Variants in ZNF28 observed in about 807,000 individuals in gnomAD.
ZNF28 encodes zinc finger protein 28.
A neutral mutation model predicts 7.2 loss-of-function variants in ZNF28; 5 were observed. The ratio of observed to expected loss-of-function variants is 0.70; its 90% CI spans 0.36 to 1.46. The LOEUF is 1.46. Among genes scored for constraint, ZNF28 ranks in the 40% most tolerant of loss-of-function variants. ZNF28 has a pLI of 0.03. For synonymous variants in ZNF28, 288 were observed against 292.4 expected, an observed-to-expected ratio of 0.99 and a Z score of 0.15; for missense variants, 879 against 866.6, an observed-to-expected ratio of 1.01 and a Z score of -0.18.
At chr19:52,818,795 A>C (rs2147692378) in intron 1 of ZNF28, among the ~76,000 whole-genome samples, 1 of 148,950 alleles carries the variant, frequency 6.7e-6, no homozygotes, top group Middle Eastern at 3.4e-3. Flanking sequence ...AGGCACAAGA[A>C]TCACTTGAAC....
At chr19:52,812,762 TAAAAAAAAAAAAAA>T (rs56944474) in intron 2 of ZNF28, among the ~76,000 whole-genome samples, 1 of 75,400 alleles carries the variant, frequency 1.3e-5, no homozygotes, top group Non-Finnish European at 2.8e-5. Context: ...GAATGATCAA[TAAAAAAAAAAAAAA>T]AAAAAAAAAA....
At chr19:52,805,742 G>A (rs1228210442) in intron 3 of ZNF28, 1 of 152,032 alleles carries the variant, frequency 6.6e-6, no homozygotes, top group Admixed American at 6.6e-5. Context: ...CAACACTTTG[G>A]GAGGATGAGC....
intron 1 of ZNF28, among the ~76,000 whole-genome samples, 197 bp from the exon 2 acceptor site, chr19:52,818,228 G>T (rs1326482070): frequency 6.6e-6 from 1 of 152,070 alleles, no homozygotes; most frequent in Non-Finnish European, 1.5e-5. Flanking sequence ...TGCAGCAGTG[G>T]GGAGCTGGGC....
chr19:52,813,001 A>C, intron 2 of ZNF28, among the ~76,000 whole-genome samples: 1 of 151,632 alleles, frequency 6.6e-6, no homozygotes, highest in South Asian at 2.1e-4. Flanking sequence ...AAGTTAAACT[A>C]AACTATCACC....
intron 2 of ZNF28, chr19:52,810,742 G>C: frequency 1.6e-6 from 1 of 622,834 alleles, no homozygotes; most frequent in Non-Finnish European, 2.8e-6. Flanking sequence ...AGGAAAAAAA[G>C]AGGAAAGAAG....
chr19:52,812,787 A>AAAAG (rs1462866089), intron 2 of ZNF28, among the ~76,000 whole-genome samples: 7 of 131,076 alleles, frequency 5.3e-5, no homozygotes, highest in African/African-American at 1.9e-4. Context: ...AAAAAAAAAA[A>AAAAG]GTTTTAAGTG....
chr19:52,810,769 A>C (rs112092200), intron 2 of ZNF28: 66 of 516,300 alleles, frequency 1.3e-4, no homozygotes, highest in African/African-American at 4.0e-4. Flanking sequence ...AAAAAAGAAT[A>C]AAAAAAAACC....
chr19:52,807,829 A>T (rs1026678733), intron 3 of ZNF28, 178 bp downstream of exon 3: 3 of 1,076,156 alleles, frequency 2.8e-6, no homozygotes, highest in African/African-American at 1.6e-5. Context: ...AGCTATCATG[A>T]AGAATGCAGA....
Position 52,817,975 on chromosome 19 carries a change from T to C in ZNF28, c.-17A>G, listed in dbSNP as rs771839751. The C allele has an allele frequency of 3.7e-6, 6 of 1,610,616 alleles. No individual in the cohort carries two copies. Among genetic ancestry groups the C allele is most frequent in the East Asian group, 4.5e-5 (2 of 44,852 alleles). ...AAGAGCCATCCCTGACTCCTTTGCTTTCCTCTTCCTCTTCTGGGTTTCTTC... is the reference window on the plus strand; with the variant it reads ...AAGAGCCATCCCTGACTCCTTTGCTCTCCTCTTCCTCTTCTGGGTTTCTTC... On this transcript the variant is annotated 5_prime_UTR_variant, in exon 2 of 4. Coordinates refer to ENST00000457749, the MANE Select transcript of ZNF28 (RefSeq NM_006969.5).
intron 1 of ZNF28, among the ~76,000 whole-genome samples, chr19:52,820,956 A>G (rs2063189539): frequency 6.6e-6 from 1 of 151,874 alleles, no homozygotes; most frequent in Non-Finnish European, 1.5e-5. Context: ...GAGGGTTTGG[A>G]GTAAGACACC....
At chr19:52,810,495 T>A (rs1181481508) in intron 2 of ZNF28, 8 of 1,585,126 alleles carry the variant, frequency 5.0e-6, no homozygotes, top group Non-Finnish European at 6.9e-6. Context: ...GATGAGTCCC[T>A]ATTTAGAGGA....
intron 2 of ZNF28, among the ~76,000 whole-genome samples, chr19:52,817,743 G>A (rs757643313): frequency 2.0e-5 from 3 of 152,132 alleles, no homozygotes; most frequent in Non-Finnish European, 4.4e-5. Context: ...ACCATGCCCA[G>A]TGCAGCCTCT....
chr19:52,810,543 C>G lies in ZNF28; in HGVS notation c.16-2410G>C, dbSNP rs796869718. 8.1e-6 allele frequency: 13 copies of G among 1,596,150 alleles called. No individual in the cohort carries two copies. The African/African-American group carries it at 1.2e-4, about 15-fold the overall frequency. On this transcript the variant is annotated intron_variant, in intron 2 of 3. Transcript: ENST00000457749. ...GTGATCCCAAAGCGAACCAACAGAC[C>G]AGGCATCAGCACAACAGACCGGGGT...
Position 52,798,398 on chromosome 19 carries a change from A to G in ZNF28, c.*1290T>C. 1 of 383,996 alleles carries G rather than the reference A, an allele frequency of 2.6e-6. No homozygotes were observed. Among genetic ancestry groups the G allele is most frequent in the Non-Finnish European group, 5.1e-6 (1 of 194,622 alleles). 23.8% of individuals were successfully genotyped at this position (383,996 alleles called of 1,614,324 possible). On this transcript the variant is annotated 3_prime_UTR_variant, in exon 4 of 4. Coordinates refer to ENST00000457749, the MANE Select transcript of ZNF28 (RefSeq NM_006969.5). ...CAGTGCTCATTTAACTGTAATGTCA[A>G]TTAATGCTTGATGGCTTGCTATACT...
Position 52,808,093 on chromosome 19 carries a change from T to G in ZNF28, c.56A>C (p.Gln19Pro), listed in dbSNP as rs761836384. 1 of 1,613,468 alleles carries G rather than the reference T, an allele frequency of 6.2e-7. No individual in the cohort carries two copies. The highest frequency in any genetic ancestry group is 8.5e-7 in the Non-Finnish European group (1 of 1,179,528). Residue 19 changes from glutamine (Q) to proline (P), a missense_variant, in exon 3 of 4, where the codon CAG becomes CCG. Physicochemically the swap from Gln to Pro is moderately conservative, Grantham distance 76. Coordinates refer to ENST00000457749, the MANE Select transcript of ZNF28 (RefSeq NM_006969.5). ...AGGGTCCAGGCATTTCCACTCCTCCTGAGAGAATTCTATGGCCACGTCCCT... is the reference window on the plus strand; with the variant it reads ...AGGGTCCAGGCATTTCCACTCCTCCGGAGAGAATTCTATGGCCACGTCCCT... ...TFRDVAIEFS[Q>P]EEWKCLDPAQ...
Position 52,800,401 on chromosome 19 carries a change from GGT to G in ZNF28, c.1442_1443del (p.His481ProfsTer2), listed in dbSNP as rs2062849454. On this transcript the variant is annotated frameshift_variant, in exon 4 of 4. Transcript: ENST00000457749. LOFTEE classifies it low-confidence loss of function (END_TRUNC). ...ECDKVFRCKS[H>X]LERHRRIHTG... ...GTATGAATCCTCCTATGTCTTTCAAGGTGTGATTTGCACCTGAAAACTTTGTC... is the reference window on the plus strand; with the variant it reads ...GTATGAATCCTCCTATGTCTTTCAAGGTGATTTGCACCTGAAAACTTTGTC... The G allele has an allele frequency of 6.2e-7, 1 of 1,612,602 alleles. No individual in the cohort carries two copies. The highest frequency in any genetic ancestry group is 8.5e-7 in the Non-Finnish European group (1 of 1,179,694).
At chr19:52,805,086 C>T (rs2062919414) in intron 3 of ZNF28, 1 of 151,354 alleles carries the variant, frequency 6.6e-6, no homozygotes, top group Non-Finnish European at 1.5e-5. Flanking sequence ...GCCTAACAAG[C>T]TGAAATTCTG....
intron 2 of ZNF28, among the ~76,000 whole-genome samples, chr19:52,811,602 G>A (rs2063040991): frequency 6.7e-6 from 1 of 148,586 alleles, no homozygotes; most frequent in South Asian, 2.1e-4. Flanking sequence ...TGGGAGGTGA[G>A]GAGCGTCTCT....
At chr19:52,818,391 A>C (rs2063153747) in intron 1 of ZNF28, among the ~76,000 whole-genome samples, 1 of 152,182 alleles carries the variant, frequency 6.6e-6, no homozygotes, top group East Asian at 1.9e-4. Context: ...AGCCTGGCCA[A>C]CATGGAGAAA....
Sources: gnomAD v4.1 joint callset for allele counts (sites outside exome capture counted in the v4.1 genomes callset) on GRCh38, gnomAD v4.1.1 for gene constraint, MANE v1.5 for transcripts, NCBI Gene and HGNC (gene_info 2026-07-23, HGNC 2026-07-21) for gene names.